The following MCM8 variants were observed in gnomAD, a reference collection of about 807,000 sequenced individuals.
MCM8 encodes DNA helicase MCM8.
In MCM8, 85 loss-of-function variants were observed where a neutral mutation model predicts 98.9. The ratio of observed to expected loss-of-function variants is 0.86; its 90% CI spans 0.72 to 1.03. MCM8 has a LOEUF of 1.03. MCM8 is among the 50% of genes least tolerant of loss of function. The pLI, the probability that MCM8 is intolerant of heterozygous loss-of-function variation, is 0.00. For synonymous variants in MCM8, 352 were observed against 338.6 expected (o/e 1.04, Z -0.44); for missense variants, 951 against 997.8 (o/e 0.95, Z 0.63).
intron 17 of MCM8, among the ~76,000 whole-genome samples, chr20:5,992,210 A>G (rs1167206537): frequency 6.6e-6 from 1 of 152,140 alleles, no homozygotes. Context: ...AGCAGATTCA[A>G]ATCTGAGATA....
At chr20:5,985,718 G>A (rs574866115) in intron 15 of MCM8, among the ~76,000 whole-genome samples, 1 of 151,928 alleles carries the variant, frequency 6.6e-6, no homozygotes, top group Non-Finnish European at 1.5e-5. Context: ...GCTAATTTTT[G>A]TATTTTTGGT....
intron 10 of MCM8, among the ~76,000 whole-genome samples, chr20:5,970,980 T>A (rs776429540): frequency 1.1e-4 from 16 of 152,108 alleles, no homozygotes; most frequent in Non-Finnish European, 2.1e-4. Flanking sequence ...GGCTAATTTT[T>A]AATTTTTTTT....
intron 17 of MCM8, among the ~76,000 whole-genome samples, chr20:5,990,107 C>G (rs2089818395): frequency 6.6e-6 from 1 of 151,572 alleles, no homozygotes; most frequent in Non-Finnish European, 1.5e-5. Flanking sequence ...GAGTCTCACT[C>G]TGTCATCCAG....
chr20:5,980,001 A>G (rs897126094), intron 13 of MCM8, among the ~76,000 whole-genome samples: 7 of 152,082 alleles, frequency 4.6e-5, no homozygotes, highest in Non-Finnish European at 8.8e-5. Flanking sequence ...CCAGCACACC[A>G]GGCACGTCAC....
At position 5,955,115 on chromosome 20, in the gene MCM8, G is replaced by A; in HGVS notation, c.350G>A (p.Arg117Lys). ...TATATTTTATAGGATGAAATAGAAA[G>A]AAAGGGAAGTATTTTGGTAGATTTT... is the stretch of plus-strand genomic sequence containing the variant. ...IDLYDKDEIERKGSILVDFKE... is the reference protein window; with the variant it reads ...IDLYDKDEIEKKGSILVDFKE... The change falls in exon 5 of 19, where the codon AGA (arginine) becomes AAA (lysine). Residue 117 changes from arginine to lysine, a missense_variant. Coordinates refer to ENST00000610722, the MANE Select transcript of MCM8 (RefSeq NM_032485.6). 1 of 1,597,968 alleles carries A rather than the reference G, an allele frequency of 6.3e-7. No homozygotes were observed. Among genetic ancestry groups the A allele is most frequent in the Non-Finnish European group, 8.6e-7 (1 of 1,167,840 alleles).
At chr20:5,955,622 C>G (rs992194410) in intron 5 of MCM8, among the ~76,000 whole-genome samples, 50 of 152,132 alleles carry the variant, frequency 3.3e-4, no homozygotes, top group African/African-American at 1.2e-3. Flanking sequence ...AAAGAGCAAC[C>G]TTAGATTTAG....
rs369371076 is a variant in MCM8 at position 5,958,597 on chromosome 20, T to C, written c.660T>C (p.Ala220=). 3.7e-6 allele frequency: 6 copies of C among 1,614,048 alleles called. No homozygotes were observed. Among genetic ancestry groups the C allele is most frequent in the Middle Eastern group, 1.6e-4 (1 of 6,084 alleles). Residue 220 remains alanine, a synonymous_variant, in exon 7 of 19, where the codon GCT becomes GCC. Transcript: ENST00000610722. ...CAAATTACTATGGAAAATACATTGC[T>C]CTAAGAGGGACAGTGGTTCGTGTCA... ...VRANYYGKYI[A]LRGTVVRVSN... is the part of the protein sequence containing the mutation.
intron 13 of MCM8, 76 bp downstream of exon 13, chr20:5,978,093 C>A: frequency 6.5e-7 from 1 of 1,549,326 alleles, no homozygotes; most frequent in South Asian, 1.2e-5. Flanking sequence ...AATTTCTTTA[C>A]ATTCTGTTTA....
intron 7 of MCM8, among the ~76,000 whole-genome samples, chr20:5,960,477 A>C (rs925693596): frequency 6.6e-6 from 1 of 152,088 alleles, no homozygotes; most frequent in Non-Finnish European, 1.5e-5. Flanking sequence ...TTCTTTATAC[A>C]TTCTAGATAC....
intron 12 of MCM8, among the ~76,000 whole-genome samples, chr20:5,974,006 C>T (rs1355435086): frequency 6.6e-6 from 1 of 152,160 alleles, no homozygotes; most frequent in Non-Finnish European, 1.5e-5. Context: ...CAAGAAAATT[C>T]TGCCTCTGCC....
chr20:5,952,560 A>G, intron 3 of MCM8, 32 bp downstream of exon 3: 1 of 1,560,836 alleles, frequency 6.4e-7, no homozygotes, highest in South Asian at 1.1e-5. Context: ...AAAGCACCAT[A>G]AATCATATTT....
intron 13 of MCM8, among the ~76,000 whole-genome samples, chr20:5,980,786 C>T (rs1280910330): frequency 4.0e-5 from 6 of 150,770 alleles, no homozygotes; most frequent in Non-Finnish European, 8.8e-5. Flanking sequence ...GCACAAGAAT[C>T]GCTTGAACCA....
intron 5 of MCM8, among the ~76,000 whole-genome samples, chr20:5,955,904 G>T (rs145923307): frequency 6.6e-6 from 1 of 151,806 alleles, no homozygotes; most frequent in Non-Finnish European, 1.5e-5. Flanking sequence ...TCAGCCTCCC[G>T]AGTGGCTGGG....
chr20:5,983,239 C>G, intron 14 of MCM8, 74 bp downstream of exon 14: 3 of 1,239,546 alleles, frequency 2.4e-6, no homozygotes, highest in African/African-American at 1.5e-5. Context: ...AAATAGTTCA[C>G]AGAACTACAG....
At chr20:5,975,284 A>G (rs1331482463) in intron 12 of MCM8, among the ~76,000 whole-genome samples, 1 of 151,458 alleles carries the variant, frequency 6.6e-6, no homozygotes, top group Non-Finnish European at 1.5e-5. Flanking sequence ...AGAAAACATT[A>G]TGTTTAGAAT....
rs1200675990 is a variant in MCM8 at position 5,993,492 on chromosome 20, C to T, written c.2241-14C>T. 2 of 1,501,598 alleles carry T rather than the reference C, an allele frequency of 1.3e-6. No homozygotes were observed. The highest frequency in any genetic ancestry group is 1.8e-6 in the Non-Finnish European group (2 of 1,115,492). 93.0% of individuals were successfully genotyped at this position (1,501,598 alleles called of 1,614,324 possible). A position where few individuals can be genotyped will look rare whatever the true frequency, so the allele number is the denominator to read the frequency against. ...GTGCTACATTGGGTAATTTTTTCTT[C>T]CTTTCTTTTTAAGCATGCTAGGAAC... is the stretch of plus-strand genomic sequence containing the variant. On this transcript the variant is annotated splice_polypyrimidine_tract_variant and intron_variant, in intron 17 of 18. Transcript: ENST00000610722.
In MCM8 at chr20:5,958,655, TTTC is replaced by T; in HGVS notation, c.721_723del (p.Leu241del). 2 of 1,614,146 alleles carry T rather than the reference TTTC, an allele frequency of 1.2e-6. No individual in the cohort carries two copies. Among genetic ancestry groups the T allele is most frequent in the Non-Finnish European group, 1.7e-6 (2 of 1,180,006 alleles). On this transcript the variant is annotated inframe_deletion, in exon 7 of 19. Transcript: ENST00000610722. The stretch of plus-strand genomic sequence containing the variant: ...AAAGCCTCTTTGCACCAAGATGGCT[TTTC>T]TTTGTGCTGCATGTGGAGAAATTCA...
chr20:5,988,253 G>T (rs976528906), intron 17 of MCM8, among the ~76,000 whole-genome samples: 5 of 152,084 alleles, frequency 3.3e-5, no homozygotes, highest in African/African-American at 1.2e-4. Flanking sequence ...CTGAGGTCAG[G>T]AGTTCGAGAC....
chr20:5,993,843 T>C, intron 18 of MCM8, 148 bp downstream of exon 18: 1 of 600,322 alleles, frequency 1.7e-6, no homozygotes, highest in South Asian at 2.9e-5. Context: ...AGGGAAACAT[T>C]GTAGTAAGAC....
Sources: allele counts gnomAD v4.1 joint callset (sites outside exome capture counted in the v4.1 genomes callset), GRCh38; gene constraint gnomAD v4.1.1; transcripts MANE v1.5; gene names NCBI Gene and HGNC (gene_info 2026-07-23, HGNC 2026-07-21).